The following SERPINA12 variants were observed in gnomAD, a reference collection of about 807,000 sequenced individuals.
SERPINA12 encodes the protein serpin A12.
A neutral mutation model predicts 25.9 loss-of-function variants in SERPINA12; 21 were observed. The ratio of observed to expected loss-of-function variants is 0.81; its 90% CI spans 0.58 to 1.17. The LOEUF (loss-of-function observed/expected upper bound fraction) is 1.17, where lower values mean the gene tolerates loss of function less well. Among genes scored for constraint, SERPINA12 ranks in the 50% most tolerant of loss-of-function variants. The pLI, the probability that SERPINA12 is intolerant of heterozygous loss-of-function variation, is 0.00. For synonymous variants in SERPINA12, 220 were observed against 196.0 expected (o/e 1.12, Z -1.02); for missense variants, 562 against 508.3 (o/e 1.11, Z -1.02).
At chr14:94,504,803 G>A (rs571673191) in intron 1 of SERPINA12, among the ~76,000 whole-genome samples, 1 of 152,174 alleles carries the variant, frequency 6.6e-6, no homozygotes, top group Non-Finnish European at 1.5e-5. Context: ...TGAGACTATG[G>A]CTGAACTCTG....
intron 3 of SERPINA12, 71 bp downstream of exon 3, chr14:94,496,302 A>G: frequency 6.6e-7 from 1 of 1,512,570 alleles, no homozygotes; most frequent in Non-Finnish European, 9.1e-7. Context: ...ATGAGGTAAG[A>G]GCTCAGACAG....
chr14:94,496,293 T>G, intron 3 of SERPINA12, 80 bp downstream of exon 3: 1 of 1,427,116 alleles, frequency 7.0e-7, no homozygotes, highest in Non-Finnish European at 9.8e-7. Flanking sequence ...GACTTGGCCA[T>G]GAGGTAAGAG....
chr14:94,515,957 A>G (rs933944246), exon 2 of SERPINA12: 6 of 152,288 alleles, frequency 3.9e-5, no homozygotes, highest in African/African-American at 1.4e-4. Context: ...CAAGTGGGGA[A>G]TGTACCAGCC....
At chr14:94,507,030 G>A (rs1367139381) in intron 1 of SERPINA12, among the ~76,000 whole-genome samples, 2 of 152,200 alleles carry the variant, frequency 1.3e-5, no homozygotes, top group Non-Finnish European at 2.9e-5. Flanking sequence ...CAAGGGCATC[G>A]CTACAGTTCA....
intron 2 of SERPINA12, among the ~76,000 whole-genome samples, chr14:94,515,358 C>G (rs909437562): frequency 2.6e-5 from 4 of 152,080 alleles, no homozygotes; most frequent in Non-Finnish European, 2.9e-5. Context: ...CGGGAGGAAC[C>G]CGGAGTTTCT....
chr14:94,514,931 G>A (rs936344936), intron 2 of SERPINA12, among the ~76,000 whole-genome samples: 4 of 152,224 alleles, frequency 2.6e-5, no homozygotes, highest in Non-Finnish European at 5.9e-5. Flanking sequence ...TCAGGGCCCC[G>A]AGGCAGAGGC....
In SERPINA12 at chr14:94,501,343, C is replaced by T. The variant is rs61000231; in HGVS notation, c.-33-2913G>A. Among the ~76,000 whole-genome samples the T allele has an allele frequency of 9.6e-3, 1,461 of 152,190 alleles. 65 individuals carry two copies. The East Asian group carries it at 0.14, about 15-fold the overall frequency. ...GCCTGGCAGGAGCCTTGGAGGAGGC[C>T]GGGCAGGGCAGGGCTGGAGCAGGGA... On this transcript the variant is annotated intron_variant, in intron 1 of 4. Transcript: ENST00000677451.
chr14:94,507,677 A>T (rs1595699965), intron 1 of SERPINA12, among the ~76,000 whole-genome samples: 1 of 152,344 alleles, frequency 6.6e-6, no homozygotes, highest in East Asian at 1.9e-4. Context: ...AATAGCTCAG[A>T]TTAAAAGGAC....
intron 3 of SERPINA12, among the ~76,000 whole-genome samples, chr14:94,492,717 T>G (rs1195616695): frequency 6.6e-6 from 1 of 152,170 alleles, no homozygotes; most frequent in East Asian, 1.9e-4. Context: ...AGTGCAGCTG[T>G]GCTGACAGGT....
chr14:94,502,411 G>A (rs1255861784), intron 1 of SERPINA12, among the ~76,000 whole-genome samples: 4 of 152,124 alleles, frequency 2.6e-5, no homozygotes, highest in Admixed American at 6.5e-5. Flanking sequence ...CTCCCACACC[G>A]TCCCGATCAG....
intron 1 of SERPINA12, among the ~76,000 whole-genome samples, chr14:94,500,282 C>CCTCTTCT (rs1294242062): frequency 1.3e-5 from 2 of 152,198 alleles, no homozygotes; most frequent in South Asian, 2.1e-4. Flanking sequence ...AATAGATCCT[C>CCTCTTCT]TTCTTCTTTC....
chr14:94,488,599 G>A (rs1900003805), intron 4 of SERPINA12, among the ~76,000 whole-genome samples: 1 of 152,034 alleles, frequency 6.6e-6, no homozygotes, highest in Non-Finnish European at 1.5e-5. Context: ...TGAACATACT[G>A]GCACTAAAAA....
At position 94,505,603 on chromosome 14, in the gene SERPINA12, C is replaced by T. The variant is rs150361492; in HGVS notation, c.-34+3739G>A. Among the ~76,000 whole-genome samples the T allele has an allele frequency of 4.3e-4, 65 of 152,310 alleles. No individual in the cohort carries two copies. In the East Asian group the frequency reaches 0.011, roughly 26 times the overall value. On this transcript the variant is annotated intron_variant, in intron 1 of 4. Coordinates refer to ENST00000677451, the MANE Select transcript of SERPINA12 (RefSeq NM_001382267.1). ...GGCTATAGTGGTGGAAGATCAGAGC[C>T]AGTGAGGTGGACACTGACCCAGAAT... is the stretch of plus-strand genomic sequence containing the variant.
intron 4 of SERPINA12, among the ~76,000 whole-genome samples, chr14:94,489,197 AAAAGAAAG>A (rs778175753): frequency 1.3e-5 from 2 of 149,522 alleles, no homozygotes; most frequent in East Asian, 4.0e-4. Flanking sequence ...CAGAGAAAGA[AAAAGAAAG>A]AAAGAGAGAA....
intron 3 of SERPINA12, among the ~76,000 whole-genome samples, chr14:94,490,986 C>T (rs892014928): frequency 2.0e-5 from 3 of 152,222 alleles, no homozygotes; most frequent in East Asian, 3.9e-4. Context: ...TCCACCTTCA[C>T]TCCATCCCCA....
intron 1 of SERPINA12, among the ~76,000 whole-genome samples, chr14:94,499,227 G>T (rs1238602307): frequency 6.6e-6 from 1 of 152,112 alleles, no homozygotes; most frequent in Admixed American, 6.5e-5. Flanking sequence ...TAGATCTCCA[G>T]GAAACCTTCT....
intron 3 of SERPINA12, among the ~76,000 whole-genome samples, chr14:94,495,109 C>T (rs1368381460): frequency 7.3e-6 from 1 of 136,528 alleles, no homozygotes; most frequent in Non-Finnish European, 1.5e-5. Flanking sequence ...CGCTCTGTCG[C>T]CCAGGCTGGA....
chr14:94,506,061 C>T (rs1900921144), intron 1 of SERPINA12, among the ~76,000 whole-genome samples: 1 of 152,328 alleles, frequency 6.6e-6, no homozygotes, highest in Admixed American at 6.5e-5. Context: ...CCCCGACTGC[C>T]TGTAGTTAAG....
chr14:94,512,785 A>G (rs972898086), upstream of SERPINA12, among the ~76,000 whole-genome samples: 8 of 152,234 alleles, frequency 5.3e-5, no homozygotes, highest in African/African-American at 1.9e-4. Context: ...AAATAGGGTT[A>G]TCTGTTCACA....
Sources: gnomAD v4.1 joint callset for allele counts (sites outside exome capture counted in the v4.1 genomes callset) on GRCh38, gnomAD v4.1.1 for gene constraint, MANE v1.5 for transcripts, NCBI Gene and HGNC (gene_info 2026-07-23, HGNC 2026-07-21) for gene names.